The following SMTNL1 variants were observed in gnomAD, a reference collection of about 807,000 sequenced individuals.
The protein encoded by SMTNL1 is smoothelin like 1.
A neutral mutation model predicts 46.6 loss-of-function variants in SMTNL1; 41 were observed. The observed-to-expected ratio is 0.88, with a 90% confidence interval of 0.69 to 1.14. The LOEUF is 1.14. SMTNL1 is among the 50% of genes most tolerant of loss of function. The pLI is 0.00. For missense variants in SMTNL1, 591 were observed against 626.1 expected, an observed-to-expected ratio of 0.94 and a Z score of 0.60; for synonymous variants, 234 against 234.2, an observed-to-expected ratio of 1.00 and a Z score of 0.01.
rs368051577 is a variant in SMTNL1 at position 57,546,320 on chromosome 11, G to A, written c.1161G>A (p.Trp387Ter). ...GTGTCAAGAACATGCTCTTGGAGTG[G>A]TGCCGAGCCATGACAAAAAAATACG... ...IGGVKNMLLE[W>*]CRAMTKKYEH... Residue 387 changes from tryptophan to a stop codon, truncating the protein, a stop_gained, in exon 6 of 8, where the codon TGG becomes TGA. Transcript: ENST00000527972. LOFTEE classifies it high-confidence loss of function. 63 of 1,609,808 alleles carry A rather than the reference G, an allele frequency of 3.9e-5. No homozygotes were observed. Among genetic ancestry groups the A allele is most frequent in the South Asian group, 5.5e-5 (5 of 90,376 alleles).
At chr11:57,541,549 C>G (rs1286285546) in intron 1 of SMTNL1, 2 of 1,367,198 alleles carry the variant, frequency 1.5e-6, no homozygotes, top group African/African-American at 3.0e-5. Flanking sequence ...TCAGCAGAGG[C>G]CAGGGAGAGT....
chr11:57,544,024 G>A, intron 4 of SMTNL1, 104 bp downstream of exon 4: 1 of 1,172,914 alleles, frequency 8.5e-7, no homozygotes, highest in Non-Finnish European at 1.2e-6. Flanking sequence ...CTGATTTCAA[G>A]ATATTCGAGG....
In SMTNL1 at chr11:57,550,108, A is replaced by G. The variant is rs749609540; in HGVS notation, c.1481A>G (p.Lys494Arg). 2.5e-6 allele frequency: 4 copies of G among 1,612,140 alleles called. No homozygotes were observed. Among genetic ancestry groups the G allele is most frequent in the Non-Finnish European group, 3.4e-6 (4 of 1,179,020 alleles). Residue 494 changes from lysine (K) to arginine (R), a missense_variant, in exon 8 of 8, where the codon AAG becomes AGG. By Grantham distance (26) the Lys-to-Arg change is conservative. Transcript: ENST00000527972. ...VQKGLVKTKK[K>R] is the part of the protein sequence containing the mutation. The stretch of plus-strand genomic sequence containing the variant: ...AAAGGACTGGTGAAGACCAAGAAGA[A>G]GTGAGGAGGTGACTGGCTCTGTGGG...
Position 57,543,341 on chromosome 11 carries a change from T to A in SMTNL1, c.699T>A (p.Asp233Glu), listed in dbSNP as rs1415431366. The A allele has an allele frequency of 2.5e-6, 4 of 1,613,716 alleles. No individual in the cohort carries two copies. The highest frequency in any genetic ancestry group is 3.4e-6 in the Non-Finnish European group (4 of 1,179,856). ...EAKHGAKEEA[D>E]AKEEAEDAEE... ...AACATGGTGCAAAAGAGGAGGCTGA[T>A]GCAAAAGAGGAGGCGGAGGATGCAG... The change falls in exon 2 of 8, where the codon GAT (aspartate) becomes GAA (glutamate). Residue 233 changes from aspartate to glutamate, a missense_variant. By Grantham distance (45) the Asp-to-Glu change is conservative (BLOSUM62 2). Coordinates refer to ENST00000527972, the MANE Select transcript of SMTNL1 (RefSeq NM_001105565.3).
chr11:57,547,506 A>G (rs1231226419), intron 7 of SMTNL1, among the ~76,000 whole-genome samples: 1 of 152,218 alleles, frequency 6.6e-6, no homozygotes, highest in Non-Finnish European at 1.5e-5. Flanking sequence ...ACCTCTCTAG[A>G]GGCCCCACAT....
intron 1 of SMTNL1, among the ~76,000 whole-genome samples, chr11:57,541,716 C>T (rs1422990667): frequency 6.6e-6 from 1 of 152,194 alleles, no homozygotes; most frequent in East Asian, 1.9e-4. Flanking sequence ...AATTTTGCTA[C>T]ATCTGCACTG....
At chr11:57,540,936 C>A (rs536780805) in intron 1 of SMTNL1, among the ~76,000 whole-genome samples, 25 of 152,256 alleles carry the variant, frequency 1.6e-4, no homozygotes, top group Non-Finnish European at 3.2e-4. Context: ...GTCTTGAACT[C>A]CTGACCTTGT....
At chr11:57,541,406 G>T (rs1944876373) in intron 1 of SMTNL1, 2 of 993,934 alleles carry the variant, frequency 2.0e-6, no homozygotes, top group Middle Eastern at 2.6e-4. Flanking sequence ...GAGCATGAAG[G>T]AGCTAACCCG....
rs1337448138 is a variant in SMTNL1 at position 57,549,999 on chromosome 11, G to A, written c.1372G>A (p.Val458Met). The part of the protein sequence containing the change: ...KLADCAQLLD[V>M]DDMVRLAVPD... ...GGCTGACTGTGCTCAGCTGCTGGACGTGGATGACATGGTGCGGTTGGCTGT... is the reference window on the plus strand; with the variant it reads ...GGCTGACTGTGCTCAGCTGCTGGACATGGATGACATGGTGCGGTTGGCTGT... The change falls in exon 8 of 8, where the codon GTG (valine) becomes ATG (methionine). Residue 458 changes from valine to methionine, a missense_variant. By Grantham distance (21) the Val-to-Met change is conservative (BLOSUM62 1). Transcript: ENST00000527972. 1.1e-5 allele frequency: 18 copies of A among 1,613,978 alleles called. No individual in the cohort carries two copies. In the Middle Eastern group the frequency reaches 4.9e-4, roughly 44 times the overall value.
In SMTNL1 at chr11:57,548,956, C is replaced by T. The variant is rs75076848; in HGVS notation, c.1341-1012C>T. 2.2e-4 allele frequency among the ~76,000 whole-genome samples: 33 copies of T among 152,030 alleles called. 1 individual carries two copies. Among genetic ancestry groups the T allele is most frequent in the African/African-American group, 7.0e-4 (29 of 41,466 alleles). ...GTACATAGAGACTGAATGAGTGATGCTCCTGGAGATGCTGCAGCTGCAAGC... is the reference window on the plus strand; with the variant it reads ...GTACATAGAGACTGAATGAGTGATGTTCCTGGAGATGCTGCAGCTGCAAGC... On this transcript the variant is annotated intron_variant, in intron 7 of 7. Transcript: ENST00000527972.
intron 1 of SMTNL1, among the ~76,000 whole-genome samples, chr11:57,538,179 C>T (rs377333738): frequency 1.6e-4 from 25 of 152,136 alleles, no homozygotes; most frequent in African/African-American, 5.8e-4. Context: ...CAATTGAGGT[C>T]GGCCTCTCCA....
chr11:57,540,380 T>G (rs1056824101), intron 1 of SMTNL1, among the ~76,000 whole-genome samples: 1 of 152,174 alleles, frequency 6.6e-6, no homozygotes, highest in African/African-American at 2.4e-5. Flanking sequence ...ATTATAGGCA[T>G]GAGCCACTGC....
chr11:57,546,729 G>A (rs959873410), intron 7 of SMTNL1, 77 bp downstream of exon 7: 80 of 1,524,518 alleles, frequency 5.2e-5, no homozygotes, highest in Middle Eastern at 5.1e-4. Context: ...TGAGTAGTGA[G>A]GCAGTTACAC....
intron 1 of SMTNL1, among the ~76,000 whole-genome samples, chr11:57,539,684 A>G (rs924048707): frequency 1.3e-5 from 2 of 152,142 alleles, no homozygotes; most frequent in African/African-American, 2.4e-5. Context: ...GCATCATTAT[A>G]GTGCACTGCT....
intron 1 of SMTNL1, among the ~76,000 whole-genome samples, chr11:57,541,118 A>G (rs748653151): frequency 3.3e-5 from 5 of 152,192 alleles, no homozygotes; most frequent in Non-Finnish European, 7.3e-5. Flanking sequence ...GCCTACTTTT[A>G]GGAAATAGTG....
chr11:57,538,519 GA>G (rs1185889303), intron 1 of SMTNL1, among the ~76,000 whole-genome samples: 2 of 152,246 alleles, frequency 1.3e-5, no homozygotes, highest in African/African-American at 4.8e-5. Flanking sequence ...GCACCTAGAA[GA>G]AAGAGGGAGG....
chr11:57,545,610 A>AG (rs1182899192), intron 4 of SMTNL1, among the ~76,000 whole-genome samples: 1 of 151,318 alleles, frequency 6.6e-6, no homozygotes, highest in East Asian at 1.9e-4. Flanking sequence ...TGTCTCAAAA[A>AG]AAAAAAAAAG....
At chr11:57,549,016 ATCTTTTTTTTT>A (rs1415166970) in intron 7 of SMTNL1, among the ~76,000 whole-genome samples, 3 of 148,738 alleles carry the variant, frequency 2.0e-5, no homozygotes, top group Non-Finnish European at 3.0e-5. Flanking sequence ...TCTGTCCTTT[ATCTTTTTTTTT>A]TCTTTTTTTT....
intron 7 of SMTNL1, among the ~76,000 whole-genome samples, chr11:57,546,950 T>C (rs373507207): frequency 6.6e-6 from 1 of 151,916 alleles, no homozygotes; most frequent in Non-Finnish European, 1.5e-5. Flanking sequence ...CTGGGCAACA[T>C]AGTGAGACCC....
Sources: allele counts gnomAD v4.1 joint callset (sites outside exome capture counted in the v4.1 genomes callset), GRCh38; gene constraint gnomAD v4.1.1; transcripts MANE v1.5; gene names NCBI Gene and HGNC (gene_info 2026-07-23, HGNC 2026-07-21).